The following MSRA variants were observed in gnomAD, a reference collection of about 807,000 sequenced individuals.
MSRA encodes methionine sulfoxide reductase A, also known as mitochondrial peptide methionine sulfoxide reductase.
MSRA carries 54 observed loss-of-function variants against 31.3 expected under a neutral mutation model. The ratio of observed to expected loss-of-function variants is 1.73; its 90% confidence interval spans 1.39 to 2.17. The LOEUF is 2.17. Among genes scored for constraint, MSRA ranks in the 30% most tolerant of loss-of-function variants. The pLI is 0.00. For missense variants in MSRA, 507 were observed against 300.9 expected (o/e 1.69, Z -5.07); for synonymous variants, 169 against 116.5 (o/e 1.45, Z -2.90).
chr8:10,229,136 A>T (rs548362751), intron 2 of MSRA, among the ~76,000 whole-genome samples: 20 of 152,328 alleles, frequency 1.3e-4, no homozygotes, highest in African/African-American at 4.8e-4. Context: ...AAGGCTTCAG[A>T]CATCCTGCTG....
rs552587290 is a variant in MSRA at position 10,074,014 on chromosome 8, C to G, written c.142+19356C>G. On this transcript the variant is annotated intron_variant, in intron 1 of 5. Coordinates refer to ENST00000317173, the MANE Select transcript of MSRA (RefSeq NM_012331.5). The stretch of plus-strand genomic sequence containing the variant: ...GCTTTCTATACGTGACAGTTCTTCA[C>G]TTTTTAGTTACATAGTTCCATTTTG... 1.1e-4 allele frequency among the ~76,000 whole-genome samples: 12 copies of G among 109,958 alleles called. No individual in the cohort carries two copies. The East Asian group carries it at 1.2e-3, about 11-fold the overall frequency. 72.1% of individuals were successfully genotyped at this position (109,958 alleles called of 152,430 possible). A position where few individuals can be genotyped will look rare whatever the true frequency, so the allele number is the denominator to read the frequency against.
At chr8:10,205,639 G>A (rs80003423) in intron 1 of MSRA, among the ~76,000 whole-genome samples, 1 of 152,094 alleles carries the variant, frequency 6.6e-6, no homozygotes, top group African/African-American at 2.4e-5. Context: ...ATTTTCATTT[G>A]TTTGAATTCA....
At chr8:10,197,388 T>C (rs951204491) in intron 1 of MSRA, among the ~76,000 whole-genome samples, 1 of 152,198 alleles carries the variant, frequency 6.6e-6, no homozygotes, top group African/African-American at 2.4e-5. Flanking sequence ...CTCAGGCTAG[T>C]CTGGTGCTTG....
In MSRA at chr8:10,377,247, C is replaced by T. The variant is rs187144246; in HGVS notation, c.544-50901C>T. On this transcript the variant is annotated intron_variant, in intron 5 of 5. Transcript: ENST00000317173. Reference sequence around the variant, plus strand: ...CACCTGCGTGGCTTAACGTTAATTACATTTGACATTCTTGCCTGGCAAAAT... The same window carrying T: ...CACCTGCGTGGCTTAACGTTAATTATATTTGACATTCTTGCCTGGCAAAAT... Among the ~76,000 whole-genome samples the T allele has an allele frequency of 2.6e-5, 4 of 152,384 alleles. No individual in the cohort carries two copies. In the East Asian group the frequency reaches 5.8e-4, roughly 22 times the overall value.
At chr8:10,108,179 A>T (rs897655860) in intron 1 of MSRA, among the ~76,000 whole-genome samples, 1 of 152,206 alleles carries the variant, frequency 6.6e-6, no homozygotes, top group Non-Finnish European at 1.5e-5. Flanking sequence ...CTATTTGGAC[A>T]TATAATCTCT....
chr8:10,237,939 A>C (rs1196231403), intron 2 of MSRA, among the ~76,000 whole-genome samples: 2 of 152,204 alleles, frequency 1.3e-5, no homozygotes, highest in Non-Finnish European at 2.9e-5. Flanking sequence ...TTCTCAACCG[A>C]GGACAGCCAG....
intron 2 of MSRA, among the ~76,000 whole-genome samples, chr8:10,212,143 C>A (rs544114135): frequency 6.6e-6 from 1 of 151,530 alleles, no homozygotes; most frequent in Non-Finnish European, 1.5e-5. Flanking sequence ...GCCGAGATCG[C>A]GCCACTGCAC....
chr8:10,382,267 C>A (rs564504747), intron 5 of MSRA, among the ~76,000 whole-genome samples: 4 of 152,328 alleles, frequency 2.6e-5, no homozygotes, highest in Non-Finnish European at 1.5e-5. Context: ...GCCCAGGAGC[C>A]TTCAGGCTTG....
In MSRA at chr8:10,263,985, A is replaced by G. The variant is rs554500124; in HGVS notation, c.331+18762A>G. ...TAATGATGTGACCACAGTTTTCTTT[A>G]CTTAAAAATATTTTTTTTCACAGGC... On this transcript the variant is annotated intron_variant, in intron 3 of 5. Transcript: ENST00000317173. 9.7e-4 allele frequency among the ~76,000 whole-genome samples: 148 copies of G among 152,256 alleles called. 1 individual carries two copies. The highest frequency in any genetic ancestry group is 1.6e-3 in the Admixed American group (25 of 15,298).
At chr8:10,192,354 C>T (rs1563201736) in intron 1 of MSRA, among the ~76,000 whole-genome samples, 1 of 152,202 alleles carries the variant, frequency 6.6e-6, no homozygotes, top group South Asian at 2.1e-4. Flanking sequence ...CCTTTCCAAC[C>T]AGTGAGCGGT....
chr8:10,284,416 A>G (rs1178189238), intron 3 of MSRA, among the ~76,000 whole-genome samples: 1 of 151,470 alleles, frequency 6.6e-6, no homozygotes, highest in Non-Finnish European at 1.5e-5. Context: ...CTGGACTCAA[A>G]CTCCTCACCT....
chr8:10,203,988 A>G (rs1808727268), intron 1 of MSRA, among the ~76,000 whole-genome samples: 2 of 151,866 alleles, frequency 1.3e-5, no homozygotes, highest in African/African-American at 2.4e-5. Context: ...TAAAAATAGA[A>G]GTTTTCAACA....
chr8:10,412,515 A>G (rs1184579772), intron 5 of MSRA, among the ~76,000 whole-genome samples: 1 of 152,248 alleles, frequency 6.6e-6, no homozygotes, highest in Non-Finnish European at 1.5e-5. Context: ...CAACGGGAGC[A>G]TACCAGAATC....
At chr8:10,346,141 G>T (rs1563376661) in intron 5 of MSRA, among the ~76,000 whole-genome samples, 1 of 152,138 alleles carries the variant, frequency 6.6e-6, no homozygotes, top group Non-Finnish European at 1.5e-5. Context: ...GCCATCCCTG[G>T]CCCTCTTTTC....
At position 10,175,143 on chromosome 8, in the gene MSRA, C is replaced by T. The variant is rs117753941; in HGVS notation, c.143-32690C>T. Among the ~76,000 whole-genome samples the T allele has an allele frequency of 2.5e-4, 38 of 152,236 alleles. No individual in the cohort carries two copies. In the East Asian group the frequency reaches 5.0e-3, roughly 20 times the overall value. On this transcript the variant is annotated intron_variant, in intron 1 of 5. Transcript: ENST00000317173. ...TCACCCTCCTCTACTATGGCCGTCCCGGTCACTTCACCATCTTGGAGCACC... is the reference window on the plus strand; with the variant it reads ...TCACCCTCCTCTACTATGGCCGTCCTGGTCACTTCACCATCTTGGAGCACC...
At chr8:10,082,622 C>A (rs1280648269) in intron 1 of MSRA, among the ~76,000 whole-genome samples, 2 of 152,142 alleles carry the variant, frequency 1.3e-5, no homozygotes, top group Non-Finnish European at 2.9e-5. Flanking sequence ...GAACACTGAC[C>A]TCGCATTAAA....
intron 3 of MSRA, among the ~76,000 whole-genome samples, chr8:10,260,394 A>T (rs957837755): frequency 9.2e-5 from 14 of 152,172 alleles, no homozygotes; most frequent in African/African-American, 3.4e-4. Context: ...GGAAGGAGCA[A>T]AGTTTCCACA....
intron 5 of MSRA, among the ~76,000 whole-genome samples, chr8:10,401,162 G>T (rs1807440400): frequency 6.6e-6 from 1 of 151,072 alleles, no homozygotes; most frequent in Non-Finnish European, 1.5e-5. Context: ...ATCTGATAAG[G>T]GATTAATGTC....
intron 5 of MSRA, among the ~76,000 whole-genome samples, chr8:10,320,712 G>T (rs920759219): frequency 2.0e-5 from 3 of 152,194 alleles, no homozygotes; most frequent in African/African-American, 7.2e-5. Flanking sequence ...GGAAGTCCAA[G>T]ATCAAGGTGT....
Sources: gnomAD v4.1 joint callset for allele counts (sites outside exome capture counted in the v4.1 genomes callset) on GRCh38, gnomAD v4.1.1 for gene constraint, MANE v1.5 for transcripts, NCBI Gene and HGNC (gene_info 2026-07-23, HGNC 2026-07-21) for gene names.